Variants in ITGB2 observed in about 807,000 individuals in gnomAD.
ITGB2 encodes integrin beta-2.
ITGB2 carries 56 observed loss-of-function variants against 86.8 expected under a neutral mutation model. The ratio of observed to expected loss-of-function variants is 0.65; its 90% CI spans 0.52 to 0.81. ITGB2 has a LOEUF of 0.81. ITGB2 is among the 30% of genes least tolerant of loss of function. The pLI, the probability that ITGB2 is intolerant of heterozygous loss-of-function variation, is 0.00. For synonymous variants in ITGB2, 457 were observed against 450.4 expected, an observed-to-expected ratio of 1.01 and a Z score of -0.19; for missense variants, 948 against 1,061.2, an observed-to-expected ratio of 0.89 and a Z score of 1.48.
At chr21:44,892,950 C>T (rs540384646) in intron 10 of ITGB2, 90 of 211,686 alleles carry the variant, frequency 4.3e-4, no homozygotes, top group Middle Eastern at 4.0e-3. Flanking sequence ...TCTGTGTGTC[C>T]GGCGTCTGCC....
chr21:44,925,408 A>AAGGG (rs71334039), upstream of ITGB2, among the ~76,000 whole-genome samples: 3 of 113,822 alleles, frequency 2.6e-5, no homozygotes, highest in Non-Finnish European at 5.2e-5. Flanking sequence ...AGGAAGAAGG[A>AAGGG]AGGGAGGGAG....
chr21:44,918,651 A>G (rs1033446254), intron 1 of ITGB2, among the ~76,000 whole-genome samples: 18 of 151,970 alleles, frequency 1.2e-4, no homozygotes, highest in African/African-American at 4.1e-4. Flanking sequence ...CTTCATGGGC[A>G]CCTCGCTGTC....
chr21:44,906,931 C>G lies in ITGB2; in HGVS notation c.312G>C (p.Thr104=), dbSNP rs769522397. The G allele has an allele frequency of 2.0e-5, 33 of 1,614,202 alleles. No individual in the cohort carries two copies. The East Asian group carries it at 5.8e-4, about 28-fold the overall frequency. Residue 104 remains threonine, a synonymous_variant, in exon 4 of 16, where the codon ACG becomes ACC. Coordinates refer to ENST00000652462, the MANE Select transcript of ITGB2 (RefSeq NM_000211.5). ...CAAGCCTACCTGGTCGCAGGTAAAG[C>G]GTCACTTTTTGTGGGGACAGCTGCT... ...GQKQLSPQKV[T]LYLRPGQAAA... is the part of the protein sequence containing the mutation.
Position 44,908,240 on chromosome 21 carries a change from A to G in ITGB2, c.148-1145T>C, listed in dbSNP as rs2084074316. The G allele has an allele frequency of 1.3e-5, 8 of 632,648 alleles. No individual in the cohort carries two copies. In the Admixed American group the frequency reaches 1.8e-4, roughly 14 times the overall value. 39.2% of individuals were successfully genotyped at this position (632,648 alleles called of 1,614,324 possible). A position where few individuals can be genotyped will look rare whatever the true frequency, so the allele number is the denominator to read the frequency against. ...TGCTGACGGTAAGGAATGAGACACCACTTCTCCTGCTGCCCTCCCCTTCTT... is the reference window on the plus strand; with the variant it reads ...TGCTGACGGTAAGGAATGAGACACCGCTTCTCCTGCTGCCCTCCCCTTCTT... On this transcript the variant is annotated intron_variant, in intron 3 of 15. Transcript: ENST00000652462.
At chr21:44,887,688 G>C (rs913898198) in intron 14 of ITGB2, among the ~76,000 whole-genome samples, 1 of 152,134 alleles carries the variant, frequency 6.6e-6, no homozygotes, top group African/African-American at 2.4e-5. Context: ...TCCTTCACCT[G>C]TCCTCAAAGG....
At chr21:44,889,895 C>G in intron 12 of ITGB2, 83 bp downstream of exon 12, 17 of 1,568,802 alleles carry the variant, frequency 1.1e-5, no homozygotes, top group Middle Eastern at 2.0e-4. Flanking sequence ...CTGTTCCACT[C>G]GTTGAATGGT....
chr21:44,889,053 G>T, intron 13 of ITGB2, 158 bp from the exon 14 acceptor site: 1 of 712,908 alleles, frequency 1.4e-6, no homozygotes, highest in Non-Finnish European at 2.4e-6. Flanking sequence ...GGGTGCAGCG[G>T]GTGAACTGGA....
intron 5 of ITGB2, among the ~76,000 whole-genome samples, chr21:44,902,718 G>T (rs1034979319): frequency 2.0e-5 from 3 of 151,964 alleles, no homozygotes; most frequent in African/African-American, 7.3e-5. Context: ...TGCATTGCAT[G>T]TGTGAACATG....
chr21:44,900,588 TC>T (rs768867135), intron 6 of ITGB2, 113 bp from the exon 7 acceptor site: 7 of 1,291,542 alleles, frequency 5.4e-6, no homozygotes, highest in Non-Finnish European at 7.6e-6. Context: ...CTGGTGTGGG[TC>T]CCCCTTTCCC....
chr21:44,925,408 A>G (rs887630103), upstream of ITGB2, among the ~76,000 whole-genome samples: 3 of 113,822 alleles, frequency 2.6e-5, no homozygotes, highest in South Asian at 3.3e-4. Flanking sequence ...AGGAAGAAGG[A>G]AGGGAGGGAG....
intron 1 of ITGB2, among the ~76,000 whole-genome samples, chr21:44,926,428 G>C (rs529222716): frequency 9.8e-5 from 15 of 152,356 alleles, no homozygotes; most frequent in Admixed American, 9.8e-4. Flanking sequence ...GAGCCGGGAG[G>C]CCTGCTGCCC....
At chr21:44,900,956 G>C (rs1056420992) in intron 6 of ITGB2, among the ~76,000 whole-genome samples, 1 of 152,248 alleles carries the variant, frequency 6.6e-6, no homozygotes, top group African/African-American at 2.4e-5. Flanking sequence ...TGAGCAGTGT[G>C]TCTGCGCTGG....
chr21:44,888,919 T>C, intron 13 of ITGB2, 24 bp from the exon 14 acceptor site: 1 of 1,596,974 alleles, frequency 6.3e-7, no homozygotes, highest in Non-Finnish European at 8.5e-7. Context: ...GGTGTGAGCA[T>C]CGGTGCCAGG....
At chr21:44,919,026 T>TGAGCGTCCCCTCTCCCC (rs1568909689) in intron 1 of ITGB2, among the ~76,000 whole-genome samples, 1 of 47,324 alleles carries the variant, frequency 2.1e-5, no homozygotes, top group African/African-American at 2.3e-4. Context: ...CGGAGGCACC[T>TGAGCGTCCCCTCTCCCC]GCAGTTGCTC....
Position 44,903,405 on chromosome 21 carries a change from C to T in ITGB2, c.459G>A (p.Leu153=), listed in dbSNP as rs986591397. ...CGGTGATCTCGTTGAGGGCCCGGAG[C>T]AGGTCGCCACCTAGCTTCTTGACAT... The part of the protein sequence containing the change: ...LRNVKKLGGD[L]LRALNEITES... Residue 153 remains leucine, a synonymous_variant, in exon 5 of 16, where the codon CTG becomes CTA. Transcript: ENST00000652462. 6.2e-6 allele frequency: 10 copies of T among 1,614,008 alleles called. No individual in the cohort carries two copies. In the Admixed American group the frequency reaches 1.3e-4, roughly 22 times the overall value.
At chr21:44,890,311 G>A (rs892082098) in intron 11 of ITGB2, 89 bp from the exon 12 acceptor site, 4 of 1,536,658 alleles carry the variant, frequency 2.6e-6, no homozygotes, top group Non-Finnish European at 2.7e-6. Context: ...CCTTGCCCTT[G>A]GTGGAGAACA....
At chr21:44,922,943 G>C (rs1252867107), upstream of ITGB2, 1 of 152,220 alleles carries the variant, frequency 6.6e-6, no homozygotes, top group African/African-American at 2.4e-5. Flanking sequence ...AAGAAGGACA[G>C]AAAGAGAATA....
rs146153771 is a variant in ITGB2 at position 44,894,222 on chromosome 21, A to G, written c.1084-678T>C. ...GCTCACGGGAGGCTACGAGAAGCAA[A>G]TGGCACCTCCTCCACGGGCCTTCAG... On this transcript the variant is annotated intron_variant, in intron 9 of 15. Transcript: ENST00000652462. 1.8e-4 allele frequency: 30 copies of G among 163,768 alleles called. 1 individual carries two copies. The East Asian group carries it at 4.7e-3, about 26-fold the overall frequency. The allele number at this position is 163,768 out of a possible 1,614,324, so 10.1% of individuals were successfully genotyped here.
rs2146489826 is a variant in ITGB2, at chr21:44,886,307, C to T, written c.*61G>A. 2 of 1,426,722 alleles carry T rather than the reference C, an allele frequency of 1.4e-6. No homozygotes were observed. Among genetic ancestry groups the T allele is most frequent in the East Asian group, 2.3e-5 (1 of 44,008 alleles). 88.4% of individuals were successfully genotyped at this position (1,426,722 alleles called of 1,614,324 possible). ...CCTCAAGAGCTGTGGCAAGCCATGT[C>T]TCGGCCGCGTGATGGGGCAGACATG... On this transcript the variant is annotated 3_prime_UTR_variant, in exon 16 of 16. Coordinates refer to ENST00000652462, the MANE Select transcript of ITGB2 (RefSeq NM_000211.5).
Sources: gnomAD v4.1 joint callset for allele counts (sites outside exome capture counted in the v4.1 genomes callset) on GRCh38, gnomAD v4.1.1 for gene constraint, MANE v1.5 for transcripts, NCBI Gene and HGNC (gene_info 2026-07-23, HGNC 2026-07-21) for gene names.